TEAD4: variants seen among roughly 807,000 people sequenced by gnomAD.
TEAD4 encodes TEA domain transcription factor 4.
TEAD4 carries 36 observed loss-of-function variants against 52.4 expected under a neutral mutation model. The observed-to-expected ratio is 0.69, with a 90% confidence interval of 0.53 to 0.91. The LOEUF is 0.91. TEAD4 is among the 40% of genes least tolerant of loss of function. The probability of loss-of-function intolerance (pLI) is 0.00; values close to 1 mark genes in which losing one functional copy is unlikely to be tolerated. For synonymous variants in TEAD4, 220 were observed against 231.0 expected (o/e 0.95, Z 0.43); for missense variants, 508 against 583.9 (o/e 0.87, Z 1.34).
chr12:2,992,048 TCG>T (rs1485732167), intron 2 of TEAD4, among the ~76,000 whole-genome samples: 1 of 135,272 alleles, frequency 7.4e-6, no homozygotes, highest in African/African-American at 2.8e-5. Context: ...AGGCGGAGTC[TCG>T]CTCTGTCGCC....
chr12:2,999,172 C>T (rs1249310799), intron 3 of TEAD4, among the ~76,000 whole-genome samples: 1 of 152,184 alleles, frequency 6.6e-6, no homozygotes, highest in Non-Finnish European at 1.5e-5. Flanking sequence ...CTCACCGTGG[C>T]TGCTCCCCTC....
At chr12:3,008,943 T>C (rs2098258028) in intron 3 of TEAD4, among the ~76,000 whole-genome samples, 1 of 152,190 alleles carries the variant, frequency 6.6e-6, no homozygotes, top group African/African-American at 2.4e-5. Flanking sequence ...TCTTCTTCCC[T>C]CATGCTTTTC....
chr12:3,031,786 G>T (rs942411724), intron 10 of TEAD4, among the ~76,000 whole-genome samples: 1 of 152,234 alleles, frequency 6.6e-6, no homozygotes, highest in African/African-American at 2.4e-5. Flanking sequence ...GCCAAAGGTT[G>T]CCCAGTTCAT....
In TEAD4 at chr12:2,973,200, T is replaced by G. The variant is rs111486672; in HGVS notation, c.-30+13160T>G. 8.0e-4 allele frequency among the ~76,000 whole-genome samples: 121 copies of G among 152,170 alleles called. 1 individual carries two copies. The highest frequency in any genetic ancestry group is 2.8e-3 in the African/African-American group (117 of 41,512). On this transcript the variant is annotated intron_variant, in intron 2 of 12. Transcript: ENST00000359864. Reference sequence around the variant, plus strand: ...GTCCCTCCCACCTCAGCCTCTTGAGTAGTGGAGACCACAGGCACACGCCAC... The same window carrying G: ...GTCCCTCCCACCTCAGCCTCTTGAGGAGTGGAGACCACAGGCACACGCCAC...
chr12:3,039,300 A>G (rs2098281258), intron 11 of TEAD4, among the ~76,000 whole-genome samples: 1 of 152,190 alleles, frequency 6.6e-6, no homozygotes, highest in South Asian at 2.1e-4. Context: ...TTTTGAGATA[A>G]TGGTGGATCC....
intron 10 of TEAD4, among the ~76,000 whole-genome samples, chr12:3,032,105 G>T (rs1233199919): frequency 6.6e-6 from 1 of 152,204 alleles, no homozygotes; most frequent in Non-Finnish European, 1.5e-5. Flanking sequence ...CCAGAAAATA[G>T]GGCAGTGGCC....
intron 2 of TEAD4, among the ~76,000 whole-genome samples, chr12:2,974,070 C>T (rs1208044534): frequency 1.3e-5 from 2 of 152,126 alleles, no homozygotes; most frequent in African/African-American, 2.4e-5. Context: ...TGTAGTGTCA[C>T]GATCTTGGCT....
At chr12:2,982,507 G>A (rs1431429201) in intron 2 of TEAD4, among the ~76,000 whole-genome samples, 1 of 152,220 alleles carries the variant, frequency 6.6e-6, no homozygotes. Context: ...GGTCACTGTG[G>A]TGCACTTGGG....
chr12:2,982,473 G>C (rs1440960609), intron 2 of TEAD4, among the ~76,000 whole-genome samples: 3 of 152,214 alleles, frequency 2.0e-5, no homozygotes, highest in Admixed American at 2.0e-4. Context: ...CCCGCCTCCA[G>C]CTCTCCCCTG....
rs370307673 is a variant in TEAD4 at position 3,022,036 on chromosome 12, C to T, written c.897+19C>T. 1 of 1,612,614 alleles carries T rather than the reference C, an allele frequency of 6.2e-7. No individual in the cohort carries two copies. The highest frequency in any genetic ancestry group is 1.3e-5 in the African/African-American group (1 of 74,914). Reference sequence around the variant, plus strand: ...GTTCTGGGTAAGCCTGTGATAACCCCTTCTTTCCTGCCACCAGCGTGTCCG... The same window carrying T: ...GTTCTGGGTAAGCCTGTGATAACCCTTTCTTTCCTGCCACCAGCGTGTCCG... On this transcript the variant is annotated intron_variant, in intron 10 of 12. Coordinates refer to ENST00000359864, the MANE Select transcript of TEAD4 (RefSeq NM_003213.4).
intron 10 of TEAD4, among the ~76,000 whole-genome samples, chr12:3,024,563 A>C (rs1007577008): frequency 8.5e-5 from 13 of 152,178 alleles, no homozygotes; most frequent in African/African-American, 1.2e-4. Context: ...AGGCTGAAGT[A>C]GGAGGATTGC....
At chr12:2,991,406 G>A (rs2098242879) in intron 2 of TEAD4, among the ~76,000 whole-genome samples, 1 of 152,164 alleles carries the variant, frequency 6.6e-6, no homozygotes, top group East Asian at 1.9e-4. Context: ...TCACGCCTGT[G>A]ATTTCAGCAC....
At chr12:3,029,558 A>C (rs1807331960) in intron 10 of TEAD4, among the ~76,000 whole-genome samples, 1 of 151,108 alleles carries the variant, frequency 6.6e-6, no homozygotes, top group South Asian at 2.1e-4. Context: ...TTTTTATTTA[A>C]ATTTTTTATA....
chr12:2,967,251 A>G (rs34051515), intron 2 of TEAD4, among the ~76,000 whole-genome samples: 11,703 of 152,296 alleles, frequency 0.077, 575 homozygotes, highest in Admixed American at 0.11. Context: ...ATGTCCTTCC[A>G]AATTTGTGTT....
rs112824104 is a variant in TEAD4 at position 2,994,778 on chromosome 12, G to C, written c.12G>C (p.Thr4=). 179 of 1,611,428 alleles carry C rather than the reference G, an allele frequency of 1.1e-4. No homozygotes were observed. The African/African-American group carries it at 1.6e-3, about 15-fold the overall frequency. The change falls in exon 3 of 13, where the codon ACG becomes ACC. Residue 4 remains threonine, a synonymous_variant. Transcript: ENST00000359864. The surrounding 1 kb of genome is among the most constrained non-coding windows in gnomAD (Gnocchi z 4.7). ...CTCCAAGCGGAGCCTTGGAGGGCAC[G>C]GCCGGCACCATTACCTCCAACGAGT...
intron 10 of TEAD4, among the ~76,000 whole-genome samples, chr12:3,032,090 C>A (rs560697363): frequency 5.3e-4 from 81 of 152,342 alleles, no homozygotes; most frequent in Non-Finnish European, 9.0e-4. Context: ...CCTCAGATAT[C>A]CCTTCCAGAA....
chr12:2,986,157 G>C (rs908602941), intron 2 of TEAD4, among the ~76,000 whole-genome samples: 1 of 152,156 alleles, frequency 6.6e-6, no homozygotes, highest in Non-Finnish European at 1.5e-5. Flanking sequence ...CACAGCGTCA[G>C]GGTCGTCAGT....
intron 2 of TEAD4, among the ~76,000 whole-genome samples, chr12:2,982,442 G>A (rs1198654823): frequency 6.6e-6 from 1 of 152,218 alleles, no homozygotes; most frequent in Admixed American, 6.5e-5. Flanking sequence ...GCATGGCCCA[G>A]CTCCACGATG....
At chr12:2,960,938 G>A (rs972109013) in intron 2 of TEAD4, among the ~76,000 whole-genome samples, 6 of 152,176 alleles carry the variant, frequency 3.9e-5, no homozygotes. Flanking sequence ...ACCGGGCAGA[G>A]CTGGAAGGAA....
Sources: allele counts gnomAD v4.1 joint callset (sites outside exome capture counted in the v4.1 genomes callset), GRCh38; gene constraint gnomAD v4.1.1; non-coding constraint Gnocchi (gnomAD v3.1); transcripts MANE v1.5; gene names NCBI Gene and HGNC (gene_info 2026-07-23, HGNC 2026-07-21).